NBR1: variants seen among roughly 807,000 people sequenced by gnomAD.
NBR1 encodes the protein NBR1 autophagy cargo receptor.
NBR1 carries 59 observed loss-of-function variants against 115.5 expected under a neutral mutation model. The ratio of observed to expected loss-of-function variants is 0.51; its 90% CI spans 0.41 to 0.63. NBR1 has a LOEUF of 0.63. NBR1 is among the 30% of genes least tolerant of loss of function. The probability of loss-of-function intolerance (pLI) is 0.00; values close to 1 mark genes in which losing one functional copy is unlikely to be tolerated. For missense variants in NBR1, 1,043 were observed against 1,150.5 expected (o/e 0.91, Z 1.35); for synonymous variants, 373 against 414.7 (o/e 0.90, Z 1.22).
intron 5 of NBR1, among the ~76,000 whole-genome samples, chr17:43,181,362 G>A (rs1181523418): frequency 6.6e-6 from 1 of 152,008 alleles, no homozygotes. Context: ...TTGTGCTACT[G>A]TTCTAGTGTT....
intron 5 of NBR1, among the ~76,000 whole-genome samples, chr17:43,182,281 A>C (rs1461963238): frequency 7.5e-6 from 1 of 132,762 alleles, no homozygotes; most frequent in African/African-American, 2.8e-5. Context: ...GCGGTGGCGC[A>C]ATCTTGGCTC....
chr17:43,199,443 G>A (rs1385370251), intron 16 of NBR1, among the ~76,000 whole-genome samples: 1 of 150,124 alleles, frequency 6.7e-6, no homozygotes, highest in African/African-American at 2.5e-5. Context: ...GCGCGGTCTC[G>A]GCTGACTGCA....
chr17:43,202,925 A>AGGCGG (rs992759696), intron 19 of NBR1, among the ~76,000 whole-genome samples: 2 of 152,182 alleles, frequency 1.3e-5, no homozygotes, highest in Non-Finnish European at 2.9e-5. Flanking sequence ...TGGGAGGCCG[A>AGGCGG]GGCGGGTGGA....
intron 10 of NBR1, 62 bp downstream of exon 10, chr17:43,191,643 C>T: frequency 9.0e-7 from 1 of 1,115,312 alleles, no homozygotes; most frequent in South Asian, 1.5e-5. Flanking sequence ...ACTGGAACTT[C>T]AACCAATTTC....
intron 4 of NBR1, among the ~76,000 whole-genome samples, 191 bp from the exon 5 acceptor site, chr17:43,180,604 A>G (rs2056638581): frequency 6.6e-6 from 1 of 152,220 alleles, no homozygotes; most frequent in Non-Finnish European, 1.5e-5. Flanking sequence ...AATATAATTT[A>G]CGATTATTTA....
At position 43,202,718 on chromosome 17, in the gene NBR1, A is replaced by G. The variant is rs2057231399; in HGVS notation, c.2621+6A>G. 3 of 1,564,132 alleles carry G rather than the reference A, an allele frequency of 1.9e-6. No homozygotes were observed. Among genetic ancestry groups the G allele is most frequent in the Non-Finnish European group, 2.6e-6 (3 of 1,152,096 alleles). ...AAGAGCTATGACCACTCAAGGTAAC[A>G]ACCTTGTGCAGTCTCTTTTTTCAGA... On this transcript the variant is annotated splice_donor_region_variant and intron_variant, in intron 19 of 20. Transcript: ENST00000590996.
intron 13 of NBR1, 145 bp downstream of exon 13, chr17:43,194,644 C>G: frequency 5.5e-6 from 5 of 908,320 alleles, no homozygotes; most frequent in Non-Finnish European, 8.5e-6. Flanking sequence ...GGAGATCACC[C>G]ATGGAAGCAA....
rs1387320237 is a variant in NBR1, at chr17:43,200,180, G to A, written c.2040G>A (p.Leu680=). The A allele has an allele frequency of 1.3e-6, 2 of 1,547,648 alleles. No homozygotes were observed. The highest frequency in any genetic ancestry group is 8.7e-7 in the Non-Finnish European group (1 of 1,144,070). Residue 680 remains leucine (L), a synonymous_variant, in exon 17 of 21, where the codon TTG becomes TTA. Transcript: ENST00000590996. ...TTCATCCTTTAGTGACATTTGCCTT[G>A]CCTGAAGGACCACTTGGAAATGAGA... ...RQKSLQMTFA[L]PEGPLGNEKE... is the part of the protein sequence containing the mutation.
intron 10 of NBR1, among the ~76,000 whole-genome samples, chr17:43,192,850 T>C (rs2056980717): frequency 6.6e-6 from 1 of 152,224 alleles, no homozygotes; most frequent in African/African-American, 2.4e-5. Context: ...TTTTAATTAC[T>C]CTTACCATGA....
chr17:43,191,401 T>C lies in NBR1; in HGVS notation c.893T>C (p.Leu298Pro). The change falls in exon 10 of 21, where the codon CTT becomes CCT. Residue 298 changes from leucine to proline, a missense_variant. Physicochemically the swap from Leu to Pro is moderately conservative, Grantham distance 98 (BLOSUM62 -3). Transcript: ENST00000590996. ...CAGAAACAGGTTGATAAGAACTTTC[T>C]TAAAGCAGAAAAGCAAAGGTTGCGA... ...RLQKQVDKNF[L>P]KAEKQRLRAE... is the part of the protein sequence containing the mutation. The C allele has an allele frequency of 1.2e-6, 2 of 1,613,390 alleles. No individual in the cohort carries two copies. The highest frequency in any genetic ancestry group is 1.7e-6 in the Non-Finnish European group (2 of 1,179,580).
intron 8 of NBR1, chr17:43,190,397 C>T (rs763117000): frequency 7.1e-5 from 39 of 552,584 alleles, no homozygotes; most frequent in Non-Finnish European, 1.1e-4. Flanking sequence ...TCTTACCTTC[C>T]TCCCATAGAT....
chr17:43,204,083 G>A (rs968878820), intron 20 of NBR1, among the ~76,000 whole-genome samples: 1 of 151,684 alleles, frequency 6.6e-6, no homozygotes, highest in Non-Finnish European at 1.5e-5. Context: ...GACTACAGGC[G>A]CCTGCCACTA....
intron 5 of NBR1, among the ~76,000 whole-genome samples, 179 bp downstream of exon 5, chr17:43,180,996 C>T (rs2056649718): frequency 6.6e-6 from 1 of 152,074 alleles, no homozygotes; most frequent in South Asian, 2.1e-4. Flanking sequence ...CTCAGCCTCC[C>T]GAGTAGCTGG....
chr17:43,210,094 T>A lies in NBR1; in HGVS notation c.*20T>A. The A allele has an allele frequency of 5.6e-6, 9 of 1,598,070 alleles. No individual in the cohort carries two copies. Among genetic ancestry groups the A allele is most frequent in the Non-Finnish European group, 7.7e-6 (9 of 1,171,974 alleles). On this transcript the variant is annotated 3_prime_UTR_variant, in exon 21 of 21. Transcript: ENST00000590996. ...TATTGAGGAGTGACCTTGTATTAAA[T>A]AACTGCCTGCTGCTCAGAGATGATC...
chr17:43,171,178 A>G (rs2056351526), upstream of NBR1: 1 of 152,654 alleles, frequency 6.6e-6, no homozygotes, highest in Non-Finnish European at 1.5e-5. Flanking sequence ...CACTCGGAGA[A>G]ACAGGGGACT....
At chr17:43,182,721 A>G (rs934665064) in intron 5 of NBR1, among the ~76,000 whole-genome samples, 8 of 151,810 alleles carry the variant, frequency 5.3e-5, no homozygotes, top group Non-Finnish European at 8.8e-5. Flanking sequence ...AATCAAGTTA[A>G]TTAACACATC....
In NBR1 at chr17:43,193,399, G is replaced by A. The variant is rs774407892; in HGVS notation, c.1285G>A (p.Val429Ile). 6.2e-7 allele frequency: 1 copy of A among 1,613,868 alleles called. No homozygotes were observed. Among genetic ancestry groups the A allele is most frequent in the Non-Finnish European group, 8.5e-7 (1 of 1,179,910 alleles). The change falls in exon 12 of 21, where the codon GTT (valine) becomes ATT (isoleucine). Residue 429 changes from valine to isoleucine, a missense_variant. By Grantham distance (29) the Val-to-Ile change is conservative (BLOSUM62 3). Coordinates refer to ENST00000590996, the MANE Select transcript of NBR1 (RefSeq NM_005899.5). ...TTTGGCTTCCACAGAAAAGAAGGATGTTTTGGTTCCCTGCCTCAAGGCCGG... is the reference window on the plus strand; with the variant it reads ...TTTGGCTTCCACAGAAAAGAAGGATATTTTGGTTCCCTGCCTCAAGGCCGG... ...LTLASTEKKD[V>I]LVPCLKAGHV...
Position 43,189,690 on chromosome 17 carries a change from G to A in NBR1, c.583G>A (p.Val195Ile). 3 of 1,613,992 alleles carry A rather than the reference G, an allele frequency of 1.9e-6. No homozygotes were observed. Among genetic ancestry groups the A allele is most frequent in the Admixed American group, 1.7e-5 (1 of 60,024 alleles). ...ATCCTTGGGTTCTTGTCCCTCAGAA[G>A]TCTCAATGCCTACTTCAGAAGAAAC... Reference protein sequence around the residue: ...NPSLGSCPSEVSMPTSEETLF... With the variant: ...NPSLGSCPSEISMPTSEETLF... Residue 195 changes from valine (V) to isoleucine (I), a missense_variant, in exon 8 of 21, where the codon GTC (valine) becomes ATC (isoleucine). Physicochemically the swap from Val to Ile is conservative, Grantham distance 29. Coordinates refer to ENST00000590996, the MANE Select transcript of NBR1 (RefSeq NM_005899.5).
chr17:43,190,833 C>T, intron 9 of NBR1, 57 bp downstream of exon 9: 1 of 1,508,166 alleles, frequency 6.6e-7, no homozygotes, highest in Non-Finnish European at 8.9e-7. Context: ...GTTCTGGTGA[C>T]AGGGTATGAA....
Sources: gnomAD v4.1 joint callset for allele counts (sites outside exome capture counted in the v4.1 genomes callset) on GRCh38, gnomAD v4.1.1 for gene constraint, MANE v1.5 for transcripts, NCBI Gene and HGNC (gene_info 2026-07-23, HGNC 2026-07-21) for gene names.